The following PRPF6 variants were observed in gnomAD, a reference collection of about 807,000 sequenced individuals.
PRPF6 encodes pre-mRNA processing factor 6, also known as pre-mRNA-processing factor 6.
Under a neutral mutation model 118.3 loss-of-function variants are expected in PRPF6, and 42 were observed. The ratio of observed to expected loss-of-function variants is 0.35; its 90% CI spans 0.28 to 0.46. PRPF6 has a LOEUF of 0.46. Among genes scored for constraint, PRPF6 ranks in the 20% least tolerant of loss-of-function variants. The pLI, the probability that PRPF6 is intolerant of heterozygous loss-of-function variation, is 1.00. For synonymous variants in PRPF6, 481 were observed against 485.1 expected, an observed-to-expected ratio of 0.99 and a Z score of 0.11; for missense variants, 662 against 1,255.7, an observed-to-expected ratio of 0.53 and a Z score of 7.15.
At chr20:64,025,464 G>A (rs1387972547) in intron 14 of PRPF6, among the ~76,000 whole-genome samples, 4 of 152,182 alleles carry the variant, frequency 2.6e-5, no homozygotes, top group African/African-American at 7.2e-5. Context: ...GCTTGTGGAC[G>A]CCTTCTCCAC....
chr20:63,996,886 G>A (rs1056513977), intron 6 of PRPF6, among the ~76,000 whole-genome samples: 10 of 152,128 alleles, frequency 6.6e-5, no homozygotes, highest in East Asian at 3.9e-4. Context: ...CTATGATCGC[G>A]CCTCTGCACA....
chr20:64,031,672 CAAAAAAAAAAA>C (rs568394576), intron 19 of PRPF6, among the ~76,000 whole-genome samples: 49 of 75,860 alleles, frequency 6.5e-4, no homozygotes, highest in African/African-American at 1.9e-3. Context: ...GACTCCTTCT[CAAAAAAAAAAA>C]AAAAAAAACA....
chr20:64,024,757 T>C, intron 14 of PRPF6, 64 bp downstream of exon 14: 1 of 1,574,814 alleles, frequency 6.3e-7, no homozygotes, highest in Non-Finnish European at 8.6e-7. Flanking sequence ...GGGTGCTGAC[T>C]GGGGCCTGAA....
At chr20:64,017,523 T>C (rs1250252487) in intron 12 of PRPF6, among the ~76,000 whole-genome samples, 3 of 149,500 alleles carry the variant, frequency 2.0e-5, no homozygotes, top group South Asian at 2.1e-4. Context: ...AGTGCTGGGA[T>C]CACAGGCGTG....
intron 10 of PRPF6, among the ~76,000 whole-genome samples, chr20:64,010,683 C>T (rs1476288813): frequency 6.6e-5 from 10 of 152,176 alleles, no homozygotes; most frequent in African/African-American, 2.2e-4. Flanking sequence ...CTGTCAGCTC[C>T]GCATGACTGC....
chr20:64,017,600 C>T (rs559997378), intron 12 of PRPF6, among the ~76,000 whole-genome samples: 10 of 101,458 alleles, frequency 9.9e-5, no homozygotes, highest in African/African-American at 2.3e-4. Context: ...CGGCCTCCCA[C>T]GGTGCTGGGA....
intron 8 of PRPF6, 118 bp from the exon 9 acceptor site, chr20:64,000,959 C>A: frequency 1.9e-6 from 2 of 1,063,184 alleles, no homozygotes; most frequent in Non-Finnish European, 2.8e-6. Flanking sequence ...AGAGGCTGAG[C>A]TAATTGGCTT....
Position 64,026,121 on chromosome 20 carries a change from G to T in PRPF6, c.2028+63G>T. 1 of 1,593,058 alleles carries T rather than the reference G, an allele frequency of 6.3e-7. No individual in the cohort carries two copies. The highest frequency in any genetic ancestry group is 8.5e-7 in the Non-Finnish European group (1 of 1,177,750). On this transcript the variant is annotated intron_variant, in intron 15 of 20. Coordinates refer to ENST00000266079, the MANE Select transcript of PRPF6 (RefSeq NM_012469.4). The surrounding 1 kb of genome is among the most constrained non-coding windows in gnomAD (Gnocchi z 4.4). ...CATGGTGTGCACATGCGGGCCCCACGCCTGGCTTGGGTGGTGATGGGAGTG... is the reference window on the plus strand; with the variant it reads ...CATGGTGTGCACATGCGGGCCCCACTCCTGGCTTGGGTGGTGATGGGAGTG...
chr20:64,026,089 TG>T lies in PRPF6; in HGVS notation c.2028+35del. 3 of 1,598,198 alleles carry T rather than the reference TG, an allele frequency of 1.9e-6. No homozygotes were observed. The highest frequency in any genetic ancestry group is 2.5e-6 in the Non-Finnish European group (3 of 1,179,366). On this transcript the variant is annotated intron_variant, in intron 15 of 20. Coordinates refer to ENST00000266079, the MANE Select transcript of PRPF6 (RefSeq NM_012469.4). The surrounding 1 kb of genome is among the most constrained non-coding windows in gnomAD (Gnocchi z 4.4). ...CAGTGGCAGGCAGGGCTGGGCCGTC[TG>T]GGGTGCATGGTGTGCACATGCGGGC...
Position 64,028,584 on chromosome 20 carries a change from C to CAACTCCGGTAAGGGGGTGCCCT in PRPF6, c.2431+15_2431+16insAACTCCGGTAAGGGGGTGCCCT. On this transcript the variant is annotated intron_variant, in intron 18 of 20. Transcript: ENST00000266079. The surrounding 1 kb of genome is among the most constrained non-coding windows in gnomAD (Gnocchi z 6.5). The stretch of plus-strand genomic sequence containing the variant: ...CCCCAACTCCGGTAAGGGGGTGCCC[C>CAACTCCGGTAAGGGGGTGCCCT]GACTCCGGTAAGGGGGTGCCCTGAC... 1 of 1,610,424 alleles carries CAACTCCGGTAAGGGGGTGCCCT rather than the reference C, an allele frequency of 6.2e-7. No homozygotes were observed. The highest frequency in any genetic ancestry group is 1.3e-5 in the African/African-American group (1 of 74,722).
intron 6 of PRPF6, 52 bp from the exon 7 acceptor site, chr20:63,998,993 T>C: frequency 2.1e-6 from 3 of 1,422,196 alleles, no homozygotes; most frequent in South Asian, 2.3e-5. Context: ...CTGAGAACTT[T>C]GTTTTGCACC....
In PRPF6 at chr20:64,029,301, A is replaced by G. The variant is rs2059304681; in HGVS notation, c.2432-76A>G. Reference sequence around the variant, plus strand: ...TCGTGGTCTGAGGACGTCCCGGGTTAGAATCTGTAGGCTGGGCACCTTTCC... The same window carrying G: ...TCGTGGTCTGAGGACGTCCCGGGTTGGAATCTGTAGGCTGGGCACCTTTCC... On this transcript the variant is annotated intron_variant, in intron 18 of 20. Transcript: ENST00000266079. The surrounding 1 kb of genome is among the most constrained non-coding windows in gnomAD (Gnocchi z 4.8). 1.6e-5 allele frequency: 22 copies of G among 1,343,784 alleles called. No individual in the cohort carries two copies. The South Asian group carries it at 2.4e-4, about 15-fold the overall frequency. 83.2% of individuals were successfully genotyped at this position (1,343,784 alleles called of 1,614,324 possible). A position where few individuals can be genotyped will look rare whatever the true frequency, so the allele number is the denominator to read the frequency against.
intron 12 of PRPF6, among the ~76,000 whole-genome samples, chr20:64,018,561 G>A (rs2059249308): frequency 6.6e-6 from 1 of 152,092 alleles, no homozygotes; most frequent in Non-Finnish European, 1.5e-5. Context: ...CATTAATGAT[G>A]CTTCTTGGCC....
chr20:64,003,213 A>G (rs1408425167), intron 9 of PRPF6, among the ~76,000 whole-genome samples: 3 of 152,230 alleles, frequency 2.0e-5, no homozygotes, highest in Non-Finnish European at 4.4e-5. Flanking sequence ...GAGAGCTGGG[A>G]TTACAGGCAT....
intron 9 of PRPF6, among the ~76,000 whole-genome samples, chr20:64,006,651 A>G (rs558293890): frequency 7.2e-5 from 11 of 152,248 alleles, no homozygotes; most frequent in African/African-American, 2.6e-4. Flanking sequence ...GGAGGGTCCA[A>G]GGAGGCGGAG....
intron 2 of PRPF6, 62 bp downstream of exon 2, chr20:63,983,277 AGT>A: frequency 1.9e-6 from 3 of 1,602,388 alleles, no homozygotes; most frequent in Non-Finnish European, 2.6e-6. Context: ...TGACCTAACC[AGT>A]GTGTGTTGGT....
At chr20:63,992,761 T>C (rs987514495) in intron 3 of PRPF6, among the ~76,000 whole-genome samples, 3 of 151,956 alleles carry the variant, frequency 2.0e-5, no homozygotes, top group African/African-American at 4.8e-5. Context: ...AGAGGCAGAG[T>C]CTCTCTGTGT....
chr20:64,032,954 C>G lies in PRPF6; in HGVS notation c.2787C>G (p.Ile929Met), dbSNP rs1334143480. 6.2e-7 allele frequency: 1 copy of G among 1,613,434 alleles called. No homozygotes were observed. The highest frequency in any genetic ancestry group is 1.1e-5 in the South Asian group (1 of 91,080). ...IANWQKKIGD[I>M]LRLVAGRIKN... ...ACTGGCAGAAGAAGATCGGGGACATCCTTAGGCTGGTGGCCGGCCGCATCA... is the reference window on the plus strand; with the variant it reads ...ACTGGCAGAAGAAGATCGGGGACATGCTTAGGCTGGTGGCCGGCCGCATCA... The change falls in exon 21 of 21, where the codon ATC becomes ATG. Residue 929 changes from isoleucine (I) to methionine (M), a missense_variant. By Grantham distance (10) the Ile-to-Met change is conservative. Around this residue, in one of 10 missense-constraint regions of PRPF6, gnomAD observed 244 missense variants for 383.7 expected, o/e 0.64. Coordinates refer to ENST00000266079, the MANE Select transcript of PRPF6 (RefSeq NM_012469.4).
chr20:63,988,748 A>G (rs1378316316), intron 3 of PRPF6, among the ~76,000 whole-genome samples: 2 of 152,056 alleles, frequency 1.3e-5, no homozygotes, highest in African/African-American at 4.8e-5. Context: ...AGGTGCCTGT[A>G]ATCCCAGCTA....
Sources: gnomAD v4.1 joint callset for allele counts (sites outside exome capture counted in the v4.1 genomes callset) on GRCh38, gnomAD v4.1.1 for gene constraint, gnomAD v4.1.1 regional missense constraint, Gnocchi (gnomAD v3.1) non-coding constraint, MANE v1.5 for transcripts, NCBI Gene and HGNC (gene_info 2026-07-23, HGNC 2026-07-21) for gene names.